The following ERICH1 variants were observed in gnomAD, a reference collection of about 807,000 sequenced individuals.
ERICH1 encodes the protein glutamate rich 1.
Under a neutral mutation model 39.6 loss-of-function variants are expected in ERICH1, and 56 were observed. The ratio of observed to expected loss-of-function variants is 1.41; its 90% CI spans 1.14 to 1.77. The LOEUF (loss-of-function observed/expected upper bound fraction) is 1.77, where lower values mean the gene tolerates loss of function less well. Ranked by LOEUF, ERICH1 falls within the 40% of genes most tolerant of loss-of-function variation. The probability of loss-of-function intolerance (pLI) is 0.00; values close to 1 mark genes in which losing one functional copy is unlikely to be tolerated. For synonymous variants in ERICH1, 313 were observed against 223.6 expected (o/e 1.40, Z -3.57); for missense variants, 826 against 575.4 (o/e 1.44, Z -4.45).
intron 5 of ERICH1, among the ~76,000 whole-genome samples, chr8:665,237 G>T (rs999090364): frequency 2.6e-5 from 4 of 151,988 alleles, no homozygotes; most frequent in African/African-American, 9.7e-5. Context: ...CAGGGACATG[G>T]CTCCGACCTC....
In ERICH1 at chr8:710,490, G is replaced by T. The variant is rs1585571734; in HGVS notation, c.169+5371C>A. Among the ~76,000 whole-genome samples the T allele has an allele frequency of 2.0e-5, 3 of 151,146 alleles. No homozygotes were observed. In the South Asian group the frequency reaches 6.2e-4, roughly 31 times the overall value. On this transcript the variant is annotated intron_variant, in intron 2 of 5. Transcript: ENST00000262109. ...CTCCACCTGCTCCTTCCAGTCCTCG[G>T]CATCGTACGGGGCGGTTTCACCGTC... is the stretch of plus-strand genomic sequence containing the variant.
chr8:679,709 G>A (rs1042450754), intron 3 of ERICH1, among the ~76,000 whole-genome samples: 9 of 152,242 alleles, frequency 5.9e-5, no homozygotes, highest in Non-Finnish European at 1.0e-4. Context: ...AAGTCATGTT[G>A]AAATGCTGAA....
chr8:640,992 C>G (rs1798908636), intron 3 of ERICH1: 1 of 152,196 alleles, frequency 6.6e-6, no homozygotes, highest in Non-Finnish European at 1.5e-5. Flanking sequence ...GTTCAGCTCA[C>G]TTTTCTGCCT....
chr8:643,493 G>A lies in ERICH1; in HGVS notation c.976+25105C>T, dbSNP rs565041967. On this transcript the variant is annotated intron_variant, in intron 3 of 3. Coordinates refer to the ERICH1 transcript ENST00000522706. ...GACTGTCACGGTGATGGGGGGCACT[G>A]ATGGTCACCCCCGTGCAGGGCCCTG... Among the ~76,000 whole-genome samples, 12 of 152,138 alleles carry A rather than the reference G, an allele frequency of 7.9e-5. No individual in the cohort carries two copies. The South Asian group carries it at 2.3e-3, about 29-fold the overall frequency.
intron 2 of ERICH1, among the ~76,000 whole-genome samples, chr8:699,464 G>C (rs1811170040): frequency 6.6e-6 from 1 of 152,142 alleles, no homozygotes; most frequent in African/African-American, 2.4e-5. Context: ...CCAAGGACAA[G>C]CACGAGCACA....
intron 3 of ERICH1, among the ~76,000 whole-genome samples, chr8:620,832 T>G (rs1186165059): frequency 6.6e-6 from 1 of 152,146 alleles, no homozygotes; most frequent in Non-Finnish European, 1.5e-5. Context: ...AACAATGGTT[T>G]TTACAGACTT....
intron 3 of ERICH1, among the ~76,000 whole-genome samples, chr8:656,236 G>A (rs769972200): frequency 1.2e-4 from 18 of 152,016 alleles, no homozygotes; most frequent in African/African-American, 3.1e-4. Flanking sequence ...CAAGCCTCCC[G>A]TCTGGGTGCT....
intron 1 of ERICH1, among the ~76,000 whole-genome samples, chr8:718,027 C>T (rs1426833201): frequency 1.3e-5 from 2 of 152,228 alleles, no homozygotes; most frequent in African/African-American, 4.8e-5. Context: ...GATCGGAGCG[C>T]ACTGAGAAAC....
chr8:673,569 G>A lies in ERICH1; in HGVS notation c.783C>T (p.Ala261=), dbSNP rs529532827. The A allele has an allele frequency of 2.3e-5, 35 of 1,550,188 alleles. No homozygotes were observed. The highest frequency in any genetic ancestry group is 4.5e-5 in the East Asian group (2 of 44,306). Residue 261 remains alanine (A), a synonymous_variant, in exon 4 of 6, where the codon GCC becomes GCT. Transcript: ENST00000262109. ...TGGCGTCTTTAACGTCTTCCTCCCCGGCCGGTGTCGGATCTTCCTCACTGG... is the reference window on the plus strand; with the variant it reads ...TGGCGTCTTTAACGTCTTCCTCCCCAGCCGGTGTCGGATCTTCCTCACTGG... ...ADASEEDPTP[A]GEEDVKDARE... is the part of the protein sequence containing the mutation.
At chr8:623,806 A>C (rs533642741) in intron 3 of ERICH1, among the ~76,000 whole-genome samples, 1 of 152,356 alleles carries the variant, frequency 6.6e-6, no homozygotes, top group South Asian at 2.1e-4. Flanking sequence ...CTGTCTGAAG[A>C]AAACACAGGT....
Position 701,326 on chromosome 8 carries a change from T to C in ERICH1, c.170-8714A>G, listed in dbSNP as rs906922640. Among the ~76,000 whole-genome samples the C allele has an allele frequency of 2.6e-3, 381 of 144,582 alleles. 3 individuals carry two copies. The highest frequency in any genetic ancestry group is 4.4e-3 in the Non-Finnish European group (296 of 66,798). The allele number at this position is 144,582 out of a possible 152,430, so 94.9% of individuals were successfully genotyped here. On this transcript the variant is annotated intron_variant, in intron 2 of 5. Coordinates refer to ENST00000262109, the MANE Select transcript of ERICH1 (RefSeq NM_207332.3). Reference sequence around the variant, plus strand: ...CGCCATACCTACGGGTCTGCCCTGCTGGACGGGAGCACGCCGTACCCACGG... The same window carrying C: ...CGCCATACCTACGGGTCTGCCCTGCCGGACGGGAGCACGCCGTACCCACGG...
intron 1 of ERICH1, among the ~76,000 whole-genome samples, chr8:723,420 G>C (rs1193207444): frequency 6.6e-6 from 1 of 152,302 alleles, no homozygotes; most frequent in African/African-American, 2.4e-5. Context: ...AAAGTGATTA[G>C]ATTTTCAAAC....
At chr8:638,366 T>C (rs112565118) in intron 3 of ERICH1, among the ~76,000 whole-genome samples, 324 of 152,308 alleles carry the variant, frequency 2.1e-3, no homozygotes, top group African/African-American at 7.6e-3. Context: ...GCACGGGCCA[T>C]GTTCTTCGGA....
chr8:621,204 GA>G lies in ERICH1; in HGVS notation c.977-5921del, dbSNP rs1188344201. Among the ~76,000 whole-genome samples, 24 of 152,062 alleles carry G rather than the reference GA, an allele frequency of 1.6e-4. 1 individual carries two copies. Among genetic ancestry groups the G allele is most frequent in the Non-Finnish European group, 2.8e-4 (19 of 67,952 alleles). On this transcript the variant is annotated intron_variant, in intron 3 of 3. Coordinates refer to the ERICH1 transcript ENST00000522706. ...AAAGAAGAAATTACAAGGGAAATTA[GA>G]AAAAAACTTGAGAAGGATGAAAATA...
intron 4 of ERICH1, among the ~76,000 whole-genome samples, chr8:671,178 C>G (rs1215460365): frequency 7.4e-5 from 10 of 134,434 alleles, no homozygotes; most frequent in South Asian, 2.5e-4. Context: ...GCTCCAGGCT[C>G]CGACCTCTGA....
chr8:671,519 C>T (rs1803398408), intron 4 of ERICH1, among the ~76,000 whole-genome samples: 1 of 146,724 alleles, frequency 6.8e-6, no homozygotes, highest in South Asian at 2.2e-4. Flanking sequence ...TCACTGGGCT[C>T]CAGGCTCCGA....
At chr8:729,963 G>A (rs1461792131) in intron 1 of ERICH1, among the ~76,000 whole-genome samples, 1 of 152,170 alleles carries the variant, frequency 6.6e-6, no homozygotes, top group African/African-American at 2.4e-5. Flanking sequence ...GAGAAAACCT[G>A]CAGTAGCAAG....
chr8:656,585 C>T (rs1292208509), intron 3 of ERICH1, among the ~76,000 whole-genome samples: 1 of 152,220 alleles, frequency 6.6e-6, no homozygotes, highest in African/African-American at 2.4e-5. Flanking sequence ...CATTAACGAT[C>T]TTGTTCGCAT....
intron 3 of ERICH1, among the ~76,000 whole-genome samples, chr8:641,897 C>T (rs922163440): frequency 6.6e-6 from 1 of 152,246 alleles, no homozygotes; most frequent in Non-Finnish European, 1.5e-5. Flanking sequence ...CTTCTGACCC[C>T]ATCTCGTCCT....
Sources: gnomAD v4.1 joint callset for allele counts (sites outside exome capture counted in the v4.1 genomes callset) on GRCh38, gnomAD v4.1.1 for gene constraint, MANE v1.5 for transcripts, NCBI Gene and HGNC (gene_info 2026-07-23, HGNC 2026-07-21) for gene names.